Variants in PTPRE observed in about 807,000 individuals in gnomAD.
PTPRE encodes the protein protein tyrosine phosphatase receptor type E, also known as receptor-type tyrosine-protein phosphatase epsilon.
A neutral mutation model predicts 102.0 loss-of-function variants in PTPRE; 51 were observed. The ratio of observed to expected loss-of-function variants is 0.50; its 90% CI spans 0.40 to 0.63. PTPRE has a LOEUF of 0.63. Among genes scored for constraint, PTPRE ranks in the 30% least tolerant of loss-of-function variants. The pLI is 0.00. For synonymous variants in PTPRE, 345 were observed against 348.2 expected (o/e 0.99, Z 0.10); for missense variants, 752 against 915.1 (o/e 0.82, Z 2.30).
Position 128,085,086 on chromosome 10 carries a change from G to A in PTPRE, c.*2180G>A. 1 of 456,104 alleles carries A rather than the reference G, an allele frequency of 2.2e-6. No individual in the cohort carries two copies. The highest frequency in any genetic ancestry group is 1.5e-5 in the South Asian group (1 of 64,544). The allele number at this position is 456,104 out of a possible 1,614,324, so 28.3% of individuals were successfully genotyped here. ...TTTCCATTCCAGGAACAAAGGAGAA[G>A]CCACTTTCCCCAGGACGCAAGACTC... is the stretch of plus-strand genomic sequence containing the variant. On this transcript the variant is annotated 3_prime_UTR_variant, in exon 21 of 21. Coordinates refer to ENST00000254667, the MANE Select transcript of PTPRE (RefSeq NM_006504.6).
chr10:128,010,839 C>T (rs1844954476), intron 2 of PTPRE, among the ~76,000 whole-genome samples: 1 of 152,076 alleles, frequency 6.6e-6, no homozygotes, highest in Non-Finnish European at 1.5e-5. Flanking sequence ...GATCCACCTG[C>T]CTCGGCCTCC....
intron 6 of PTPRE, among the ~76,000 whole-genome samples, chr10:128,053,224 C>T (rs967281790): frequency 1.3e-5 from 2 of 152,060 alleles, no homozygotes; most frequent in Admixed American, 6.5e-5. Context: ...GCCCTCCAGC[C>T]TAGGTAACAG....
intron 6 of PTPRE, among the ~76,000 whole-genome samples, chr10:128,049,932 A>G (rs895942145): frequency 3.3e-5 from 5 of 152,160 alleles, no homozygotes; most frequent in African/African-American, 4.8e-5. Context: ...AAGTTCTAAA[A>G]TCAACTGTGG....
At chr10:127,965,089 A>G (rs1022802805) in intron 1 of PTPRE, 30 of 450,572 alleles carry the variant, frequency 6.7e-5, no homozygotes, top group African/African-American at 5.0e-4. Context: ...ATTCAGTCCA[A>G]TTCCTTAATA....
intron 1 of PTPRE, among the ~76,000 whole-genome samples, chr10:127,926,516 C>T (rs917032608): frequency 2.0e-5 from 3 of 151,850 alleles, no homozygotes; most frequent in Non-Finnish European, 2.9e-5. Context: ...GTATTTTGTT[C>T]GGTTTCCTAG....
chr10:128,083,068 A>G lies in PTPRE; in HGVS notation c.*162A>G, dbSNP rs1851857897. On this transcript the variant is annotated 3_prime_UTR_variant, in exon 21 of 21. Coordinates refer to ENST00000254667, the MANE Select transcript of PTPRE (RefSeq NM_006504.6). ...GCTATACAGTTGTTAAATCTTAAAT[A>G]TGCTTTTTAAAAATTGGAATAATGT... 2.7e-5 allele frequency: 15 copies of G among 561,778 alleles called. No homozygotes were observed. The South Asian group carries it at 6.2e-4, about 23-fold the overall frequency. 34.8% of individuals were successfully genotyped at this position (561,778 alleles called of 1,614,324 possible).
intron 2 of PTPRE, among the ~76,000 whole-genome samples, chr10:128,027,748 G>A (rs1208226268): frequency 1.3e-5 from 2 of 152,198 alleles, no homozygotes; most frequent in Non-Finnish European, 2.9e-5. Flanking sequence ...AGCAGGCTGA[G>A]CTCTCCTGAA....
Position 127,994,657 on chromosome 10 carries a change from TTC to T in PTPRE, c.-8+12365_-8+12366del, listed in dbSNP as rs566040628. 1.4e-3 allele frequency among the ~76,000 whole-genome samples: 213 copies of T among 152,366 alleles called. No homozygotes were observed. In the Middle Eastern group the frequency reaches 0.024, roughly 17 times the overall value. ...TGGCTCAGTCAATTTTCAGTGATTT[TTC>T]TCTGTCCAACACCAGACTGGCTTCA... is the stretch of plus-strand genomic sequence containing the variant. On this transcript the variant is annotated intron_variant, in intron 2 of 20. Coordinates refer to ENST00000254667, the MANE Select transcript of PTPRE (RefSeq NM_006504.6).
chr10:128,021,693 G>A (rs1358245590), intron 2 of PTPRE, among the ~76,000 whole-genome samples: 3 of 152,208 alleles, frequency 2.0e-5, no homozygotes, highest in African/African-American at 7.2e-5. Context: ...CAGAGACAGC[G>A]CCTGCTGTGA....
At chr10:128,081,904 G>C (rs1232789243) in intron 20 of PTPRE, among the ~76,000 whole-genome samples, 1 of 152,216 alleles carries the variant, frequency 6.6e-6, no homozygotes, top group African/African-American at 2.4e-5. Context: ...AAAGCATTTA[G>C]ATATTTGTTC....
intron 1 of PTPRE, among the ~76,000 whole-genome samples, chr10:127,912,244 A>G (rs1845915085): frequency 6.6e-6 from 1 of 152,252 alleles, no homozygotes; most frequent in East Asian, 1.9e-4. Context: ...TTTCAACTGT[A>G]TGAATACTTC....
chr10:128,042,515 C>T (rs1404659692), intron 3 of PTPRE, among the ~76,000 whole-genome samples: 1 of 152,204 alleles, frequency 6.6e-6, no homozygotes, highest in Non-Finnish European at 1.5e-5. Context: ...CTGCCAGGGC[C>T]TCTGCGTGCT....
intron 1 of PTPRE, among the ~76,000 whole-genome samples, chr10:127,960,593 C>A (rs1192536454): frequency 6.6e-6 from 1 of 152,202 alleles, no homozygotes; most frequent in Non-Finnish European, 1.5e-5. Flanking sequence ...GCTGCTCCAT[C>A]TTTCAACAGC....
rs373752380 is a variant in PTPRE, at chr10:127,950,867, C to T, written c.-30-31407C>T. Among the ~76,000 whole-genome samples, 8 of 151,986 alleles carry T rather than the reference C, an allele frequency of 5.3e-5. No homozygotes were observed. In the South Asian group the frequency reaches 1.5e-3, roughly 28 times the overall value. ...GTCCCAGCACTTTGGGAGGCCGAGG[C>T]GGGCAGATCACTAGGTCAGGAGATA... On this transcript the variant is annotated intron_variant, in intron 1 of 20. Transcript: ENST00000254667.
chr10:127,934,763 C>T (rs566292966), intron 1 of PTPRE: 1 of 152,362 alleles, frequency 6.6e-6, no homozygotes, highest in African/African-American at 2.4e-5. Flanking sequence ...ACTGTCTACA[C>T]CTGGGAGGTG....
chr10:128,075,931 CT>C (rs1326590743), intron 17 of PTPRE, among the ~76,000 whole-genome samples: 1 of 152,102 alleles, frequency 6.6e-6, no homozygotes, highest in Non-Finnish European at 1.5e-5. Context: ...TTTACGTAAT[CT>C]TGATACTAAT....
intron 2 of PTPRE, among the ~76,000 whole-genome samples, chr10:128,021,356 C>T (rs780234401): frequency 1.9e-4 from 29 of 152,312 alleles, no homozygotes; most frequent in East Asian, 1.5e-3. Context: ...GTGTGCTCCC[C>T]GACCTCCTGC....
intron 2 of PTPRE, among the ~76,000 whole-genome samples, chr10:128,004,626 GT>G (rs1854329511): frequency 6.6e-6 from 1 of 152,136 alleles, no homozygotes; most frequent in African/African-American, 2.4e-5. Context: ...GAGTTACTGT[GT>G]TTTGTTTACT....
At chr10:128,046,693 CG>C (rs1332357288) in intron 3 of PTPRE, among the ~76,000 whole-genome samples, 12 of 152,098 alleles carry the variant, frequency 7.9e-5, no homozygotes, top group Admixed American at 1.3e-4. Flanking sequence ...AAGGTGGCAG[CG>C]AGGCCACCAG....
Sources: gnomAD v4.1 joint callset for allele counts (sites outside exome capture counted in the v4.1 genomes callset) on GRCh38, gnomAD v4.1.1 for gene constraint, MANE v1.5 for transcripts, NCBI Gene and HGNC (gene_info 2026-07-23, HGNC 2026-07-21) for gene names.